MAB21L2: variants seen among roughly 807,000 people sequenced by gnomAD.
MAB21L2 encodes the protein protein mab-21-like 2.
A neutral mutation model predicts 29.8 loss-of-function variants in MAB21L2; 15 were observed. The observed-to-expected ratio is 0.50, with a 90% CI of 0.34 to 0.78. The LOEUF is 0.78. MAB21L2 is among the 30% of genes least tolerant of loss of function. The pLI, the probability that MAB21L2 is intolerant of heterozygous loss-of-function variation, is 0.01. For synonymous variants in MAB21L2, 218 were observed against 210.4 expected, an observed-to-expected ratio of 1.04 and a Z score of -0.31; for missense variants, 321 against 480.1, an observed-to-expected ratio of 0.67 and a Z score of 3.10.
chr4:150,583,992 G>C lies in MAB21L2; in HGVS notation c.963G>C (p.Leu321=). 6.2e-7 allele frequency: 1 copy of C among 1,614,126 alleles called. No individual in the cohort carries two copies. The highest frequency in any genetic ancestry group is 1.1e-5 in the South Asian group (1 of 91,060). Residue 321 remains leucine, a synonymous_variant, in exon 1 of 1, where the codon CTG becomes CTC. Transcript: ENST00000317605. This position sits in a 1 kb window ranked among gnomAD's most constrained non-coding sequence, Gnocchi z 9.8. ...LQCRRCPHYF[L]PNLDLFQGKP... ...GCCGCCGCTGCCCTCACTACTTTCTGCCCAACCTCGACCTCTTTCAGGGCA... is the reference window on the plus strand; with the variant it reads ...GCCGCCGCTGCCCTCACTACTTTCTCCCCAACCTCGACCTCTTTCAGGGCA...
In MAB21L2 at chr4:150,584,156, C is replaced by G. The variant is rs2126405607; in HGVS notation, c.*47C>G. On this transcript the variant is annotated 3_prime_UTR_variant, in exon 1 of 1. Transcript: ENST00000317605. ...AGCGACACAAACGGGCGTGCTCTCT[C>G]AGACACACAACTCTGCTATAAACAG... 6.7e-7 allele frequency: 1 copy of G among 1,494,482 alleles called. No individual in the cohort carries two copies. 92.6% of individuals were successfully genotyped at this position (1,494,482 alleles called of 1,614,324 possible). A position where few individuals can be genotyped will look rare whatever the true frequency, so the allele number is the denominator to read the frequency against.
Position 150,584,267 on chromosome 4 carries a change from A to C in MAB21L2, c.*158A>C. 1.3e-6 allele frequency: 1 copy of C among 744,144 alleles called. No homozygotes were observed. The highest frequency in any genetic ancestry group is 2.0e-6 in the Non-Finnish European group (1 of 509,320). 46.1% of individuals were successfully genotyped at this position (744,144 alleles called of 1,614,324 possible). On this transcript the variant is annotated 3_prime_UTR_variant, in exon 1 of 1. Transcript: ENST00000317605. ...CTTCATTAATTAAGAAGCAAACAAA[A>C]AGAGAGCAACCCAACCAAAACAAAT...
Position 150,584,076 on chromosome 4 carries a change from T to C in MAB21L2, c.1047T>C (p.Ile349=). The C allele has an allele frequency of 6.4e-7, 1 of 1,557,980 alleles. No individual in the cohort carries two copies. The part of the protein sequence containing the change: ...AKQTWRLARE[I]LTNPKSLDKL ...AGACCTGGAGGTTGGCCAGGGAAAT[T>C]CTCACCAATCCCAAAAGCCTGGACA... is the stretch of plus-strand genomic sequence containing the variant. The change falls in exon 1 of 1, where the codon ATT becomes ATC. Residue 349 remains isoleucine (I), a synonymous_variant. Transcript: ENST00000317605.
At position 150,584,061 on chromosome 4, in the gene MAB21L2, G is replaced by A. The variant is rs1478650660; in HGVS notation, c.1032G>A (p.Arg344=). 3.2e-6 allele frequency: 5 copies of A among 1,572,624 alleles called. No homozygotes were observed. Among genetic ancestry groups the A allele is most frequent in the Non-Finnish European group, 2.6e-6 (3 of 1,159,510 alleles). The change falls in exon 1 of 1, where the codon AGG becomes AGA. Residue 344 remains arginine (R), a synonymous_variant. Transcript: ENST00000317605. ...AGAGCGCTGCCAAGCAGACCTGGAG[G>A]TTGGCCAGGGAAATTCTCACCAATC... ...ALESAAKQTW[R]LAREILTNPK... is the part of the protein sequence containing the mutation.
Position 150,584,480 on chromosome 4 carries a change from C to CG in MAB21L2, c.*371_*372insG, listed in dbSNP as rs1561389034. On this transcript the variant is annotated 3_prime_UTR_variant, in exon 1 of 1. Transcript: ENST00000317605. ...TTTTTCTCTCCACCCCATCCCCCCC[C>CG]CCATTTCGTTTTGCTTTTGGTTGCC... 1 of 153,512 alleles carries CG rather than the reference C, an allele frequency of 6.5e-6. No homozygotes were observed. Among genetic ancestry groups the CG allele is most frequent in the African/African-American group, 2.7e-5 (1 of 36,752 alleles). 9.5% of individuals were successfully genotyped at this position (153,512 alleles called of 1,614,324 possible).
chr4:150,584,086 C>T lies in MAB21L2; in HGVS notation c.1057C>T (p.Pro353Ser). The T allele has an allele frequency of 6.4e-7, 1 of 1,551,922 alleles. No individual in the cohort carries two copies. Among genetic ancestry groups the T allele is most frequent in the Non-Finnish European group, 8.7e-7 (1 of 1,149,598 alleles). ...WRLAREILTN[P>S]KSLDKL The stretch of plus-strand genomic sequence containing the variant: ...GTTGGCCAGGGAAATTCTCACCAAT[C>T]CCAAAAGCCTGGACAAACTATAGGG... Residue 353 changes from proline to serine, a missense_variant, in exon 1 of 1, where the codon CCC becomes TCC. Coordinates refer to ENST00000317605, the MANE Select transcript of MAB21L2 (RefSeq NM_006439.5).
In MAB21L2 at chr4:150,582,601, T is replaced by TA. The variant is rs1281427584; in HGVS notation, c.-423dup. ...TTATTTTTAAATTTACTTTGGCACT[T>TA]AAAAAACCTCATTTCCAGATTTCTG... On this transcript the variant is annotated 5_prime_UTR_variant, in exon 1 of 1. Coordinates refer to ENST00000317605, the MANE Select transcript of MAB21L2 (RefSeq NM_006439.5). 6.0e-6 allele frequency: 1 copy of TA among 165,792 alleles called. No homozygotes were observed. The highest frequency in any genetic ancestry group is 2.4e-5 in the African/African-American group (1 of 41,728). 10.3% of individuals were successfully genotyped at this position (165,792 alleles called of 1,614,324 possible).
Position 150,583,685 on chromosome 4 carries a change from C to A in MAB21L2, c.656C>A (p.Thr219Asn). Residue 219 changes from threonine to asparagine, a missense_variant, in exon 1 of 1, where the codon ACC becomes AAC. Physicochemically the swap from Thr to Asn is moderately conservative, Grantham distance 65. Transcript: ENST00000317605. The surrounding 1 kb of genome is among the most constrained non-coding windows in gnomAD (Gnocchi z 9.8). The part of the protein sequence containing the change: ...NLLSKECYSL[T>N]GKQSSAESDA... Reference sequence around the variant, plus strand: ...CTCTCGAAGGAGTGCTACTCGCTGACCGGCAAGCAGAGCTCGGCAGAGAGC... The same window carrying A: ...CTCTCGAAGGAGTGCTACTCGCTGAACGGCAAGCAGAGCTCGGCAGAGAGC... 6.2e-7 allele frequency: 1 copy of A among 1,613,730 alleles called. No homozygotes were observed. Among genetic ancestry groups the A allele is most frequent in the South Asian group, 1.1e-5 (1 of 91,020 alleles).
At position 150,584,120 on chromosome 4, in the gene MAB21L2, A is replaced by T; in HGVS notation, c.*11A>T. The T allele has an allele frequency of 6.6e-7, 1 of 1,507,782 alleles. No individual in the cohort carries two copies. The highest frequency in any genetic ancestry group is 8.9e-7 in the Non-Finnish European group (1 of 1,128,626). The allele number at this position is 1,507,782 out of a possible 1,614,324, so 93.4% of individuals were successfully genotyped here. On this transcript the variant is annotated 3_prime_UTR_variant, in exon 1 of 1. Transcript: ENST00000317605. ...CTGGACAAACTATAGGGTGCTGGGG[A>T]CTGCTTGAAAAGCGACACAAACGGG...
chr4:150,583,224 G>A lies in MAB21L2; in HGVS notation c.195G>A (p.Gly65=). 6.2e-7 allele frequency: 1 copy of A among 1,614,198 alleles called. No individual in the cohort carries two copies. Among genetic ancestry groups the A allele is most frequent in the Non-Finnish European group, 8.5e-7 (1 of 1,180,042 alleles). ...SLSEIDARYE[G]LEVISPTEFE... is the part of the protein sequence containing the mutation. ...GCGAGATCGATGCCCGCTACGAGGG[G>A]CTCGAGGTCATTTCGCCCACCGAAT... The change falls in exon 1 of 1, where the codon GGG becomes GGA. Residue 65 remains glycine, a synonymous_variant. Transcript: ENST00000317605. The surrounding 1 kb of genome is among the most constrained non-coding windows in gnomAD (Gnocchi z 9.8).
rs1218491832 is a variant in MAB21L2, at chr4:150,584,424, TC to T, written c.*323del. 5.2e-4 allele frequency: 69 copies of T among 133,904 alleles called. No individual in the cohort carries two copies. Among genetic ancestry groups the T allele is most frequent in the Admixed American group, 1.8e-3 (19 of 10,598 alleles). 8.3% of individuals were successfully genotyped at this position (133,904 alleles called of 1,614,324 possible). ...CATTTTCAAATCAATGTATAGTAGT[TC>T]CCCCCCCTTTTCCTTCTTTCCCCCT... On this transcript the variant is annotated 3_prime_UTR_variant, in exon 1 of 1. Transcript: ENST00000317605.
rs527720888 is a variant in MAB21L2, at chr4:150,584,197, C to A, written c.*88C>A. The A allele has an allele frequency of 1.1e-5, 15 of 1,379,176 alleles. No individual in the cohort carries two copies. In the South Asian group the frequency reaches 2.6e-4, roughly 24 times the overall value. 85.4% of individuals were successfully genotyped at this position (1,379,176 alleles called of 1,614,324 possible). A position where few individuals can be genotyped will look rare whatever the true frequency, so the allele number is the denominator to read the frequency against. The stretch of plus-strand genomic sequence containing the variant: ...CTATAAACAGCAGAAACTCTGGACA[C>A]AAACTTTTATGTAAGTCACCTGAAA... On this transcript the variant is annotated 3_prime_UTR_variant, in exon 1 of 1. Coordinates refer to ENST00000317605, the MANE Select transcript of MAB21L2 (RefSeq NM_006439.5).
At position 150,584,004 on chromosome 4, in the gene MAB21L2, C is replaced by T; in HGVS notation, c.975C>T (p.Asp325=). The change falls in exon 1 of 1, where the codon GAC becomes GAT. Residue 325 remains aspartate, a synonymous_variant. Transcript: ENST00000317605. ...RCPHYFLPNL[D]LFQGKPHSAL... Reference sequence around the variant, plus strand: ...CTCACTACTTTCTGCCCAACCTCGACCTCTTTCAGGGCAAGCCCCATTCGG... The same window carrying T: ...CTCACTACTTTCTGCCCAACCTCGATCTCTTTCAGGGCAAGCCCCATTCGG... The T allele has an allele frequency of 1.2e-6, 2 of 1,614,126 alleles. No homozygotes were observed. The highest frequency in any genetic ancestry group is 8.5e-7 in the Non-Finnish European group (1 of 1,180,008).
chr4:150,584,160 C>T lies in MAB21L2; in HGVS notation c.*51C>T. Reference sequence around the variant, plus strand: ...ACACAAACGGGCGTGCTCTCTCAGACACACAACTCTGCTATAAACAGCAGA... The same window carrying T: ...ACACAAACGGGCGTGCTCTCTCAGATACACAACTCTGCTATAAACAGCAGA... On this transcript the variant is annotated 3_prime_UTR_variant, in exon 1 of 1. Coordinates refer to ENST00000317605, the MANE Select transcript of MAB21L2 (RefSeq NM_006439.5). 2 of 1,491,782 alleles carry T rather than the reference C, an allele frequency of 1.3e-6. 1 individual carries two copies. Among genetic ancestry groups the T allele is most frequent in the South Asian group, 2.9e-5 (2 of 68,476 alleles). The allele number at this position is 1,491,782 out of a possible 1,614,324, so 92.4% of individuals were successfully genotyped here. A position where few individuals can be genotyped will look rare whatever the true frequency, so the allele number is the denominator to read the frequency against.
rs67191302 is a variant in MAB21L2, at chr4:150,584,472, T to TC, written c.*373dup. On this transcript the variant is annotated 3_prime_UTR_variant, in exon 1 of 1. Coordinates refer to ENST00000317605, the MANE Select transcript of MAB21L2 (RefSeq NM_006439.5). ...CCCTATCCTTTTTCTCTCCACCCCA[T>TC]CCCCCCCCCCATTTCGTTTTGCTTT... is the stretch of plus-strand genomic sequence containing the variant. The TC allele has an allele frequency of 0.014, 1,818 of 129,026 alleles. 42 individuals are homozygous for TC. The highest frequency in any genetic ancestry group is 0.063 in the African/African-American group (1,520 of 24,152). 8.0% of individuals were successfully genotyped at this position (129,026 alleles called of 1,614,324 possible).
chr4:150,583,894 A>G lies in MAB21L2; in HGVS notation c.865A>G (p.Thr289Ala). ...CGAGTGCGAGAAACACCCACGAGAA[A>G]CGGACTGGGACGAGTCGTGCCTGGG... Reference protein sequence around the residue: ...LYECEKHPRETDWDESCLGDR... With the variant: ...LYECEKHPREADWDESCLGDR... Residue 289 changes from threonine (T) to alanine (A), a missense_variant, in exon 1 of 1, where the codon ACG becomes GCG. Thr to Ala is a moderately conservative substitution (Grantham distance 58, BLOSUM62 0). Coordinates refer to ENST00000317605, the MANE Select transcript of MAB21L2 (RefSeq NM_006439.5). The surrounding 1 kb of genome is among the most constrained non-coding windows in gnomAD (Gnocchi z 9.8). 6.2e-7 allele frequency: 1 copy of G among 1,613,232 alleles called. No individual in the cohort carries two copies. The highest frequency in any genetic ancestry group is 8.5e-7 in the Non-Finnish European group (1 of 1,179,580).
In MAB21L2 at chr4:150,583,146, G is replaced by C. The variant is rs773692896; in HGVS notation, c.117G>C (p.Ser39=). ...TCCGAGAGGTCTGTAAGGTGGTCTC[G>C]GACGTGCTCAAGGAAGTGGAGGTGC... ...KTIREVCKVV[S]DVLKEVEVQE... Residue 39 remains serine, a synonymous_variant, in exon 1 of 1, where the codon TCG becomes TCC. Transcript: ENST00000317605. This position sits in a 1 kb window ranked among gnomAD's most constrained non-coding sequence, Gnocchi z 9.8. 20 of 1,614,162 alleles carry C rather than the reference G, an allele frequency of 1.2e-5. No homozygotes were observed. Among genetic ancestry groups the C allele is most frequent in the Non-Finnish European group, 1.7e-5 (20 of 1,180,012 alleles).
Position 150,583,770 on chromosome 4 carries a change from A to G in MAB21L2, c.741A>G (p.Arg247=). Residue 247 remains arginine (R), a synonymous_variant, in exon 1 of 1, where the codon CGA becomes CGG. Coordinates refer to ENST00000317605, the MANE Select transcript of MAB21L2 (RefSeq NM_006439.5). This position sits in a 1 kb window ranked among gnomAD's most constrained non-coding sequence, Gnocchi z 9.8. ...AENRLLMGGC[R]NKCLSVLKTL... The stretch of plus-strand genomic sequence containing the variant: ...ACCGCCTGCTGATGGGCGGCTGCCG[A>G]AACAAGTGCCTCTCAGTGCTGAAGA... 6.2e-7 allele frequency: 1 copy of G among 1,614,080 alleles called. No individual in the cohort carries two copies. The highest frequency in any genetic ancestry group is 8.5e-7 in the Non-Finnish European group (1 of 1,180,020).
chr4:150,583,149 C>A lies in MAB21L2; in HGVS notation c.120C>A (p.Asp40Glu). The change falls in exon 1 of 1, where the codon GAC (aspartate) becomes GAA (glutamate). Residue 40 changes from aspartate to glutamate, a missense_variant. Coordinates refer to ENST00000317605, the MANE Select transcript of MAB21L2 (RefSeq NM_006439.5). The surrounding 1 kb of genome is among the most constrained non-coding windows in gnomAD (Gnocchi z 9.8). ...TIREVCKVVS[D>E]VLKEVEVQEP... ...GAGAGGTCTGTAAGGTGGTCTCGGACGTGCTCAAGGAAGTGGAGGTGCAGG... is the reference window on the plus strand; with the variant it reads ...GAGAGGTCTGTAAGGTGGTCTCGGAAGTGCTCAAGGAAGTGGAGGTGCAGG... The A allele has an allele frequency of 1.2e-6, 2 of 1,614,200 alleles. No individual in the cohort carries two copies. Among genetic ancestry groups the A allele is most frequent in the Non-Finnish European group, 8.5e-7 (1 of 1,180,028 alleles).
Sources: allele counts gnomAD v4.1 joint callset, GRCh38; gene constraint gnomAD v4.1.1; non-coding constraint Gnocchi (gnomAD v3.1); transcripts MANE v1.5; gene names NCBI Gene and HGNC (gene_info 2026-07-23, HGNC 2026-07-21).